DENND1A: variants seen among roughly 807,000 people sequenced by gnomAD.
DENND1A encodes the protein DENN domain containing 1A, also known as DENN domain-containing protein 1A.
DENND1A carries 51 observed loss-of-function variants against 113.7 expected under a neutral mutation model. The ratio of observed to expected loss-of-function variants is 0.45; its 90% CI spans 0.36 to 0.57. DENND1A has a LOEUF of 0.57. Ranked by LOEUF, DENND1A falls within the 20% of genes least tolerant of loss-of-function variation. The probability of loss-of-function intolerance (pLI) is 0.00; values close to 1 mark genes in which losing one functional copy is unlikely to be tolerated. For synonymous variants in DENND1A, 565 were observed against 570.8 expected (o/e 0.99, Z 0.14); for missense variants, 1,258 against 1,395.9 (o/e 0.90, Z 1.57).
chr9:123,870,270 CTTTT>C (rs113651309), intron 2 of DENND1A, among the ~76,000 whole-genome samples: 10 of 139,358 alleles, frequency 7.2e-5, no homozygotes, highest in Admixed American at 6.4e-4. Context: ...TATTAATCAG[CTTTT>C]TTTTTTTTTT....
intron 13 of DENND1A, among the ~76,000 whole-genome samples, chr9:123,512,693 G>A (rs2053558999): frequency 6.6e-6 from 1 of 152,242 alleles, no homozygotes; most frequent in Non-Finnish European, 1.5e-5. Flanking sequence ...GTGGGCATGT[G>A]CATAAGTTTG....
chr9:123,423,331 C>A (rs866844725), intron 19 of DENND1A, among the ~76,000 whole-genome samples: 3 of 152,362 alleles, frequency 2.0e-5, no homozygotes, highest in Middle Eastern at 3.4e-3. Flanking sequence ...TCTCCCTCCC[C>A]CAGCCAGCCC....
At chr9:123,713,902 C>A (rs1412568979) in intron 5 of DENND1A, among the ~76,000 whole-genome samples, 1 of 152,094 alleles carries the variant, frequency 6.6e-6, no homozygotes, top group African/African-American at 2.4e-5. Flanking sequence ...GACTCTAGAT[C>A]TGTCTGACTT....
chr9:123,793,105 T>C (rs1833249815), intron 2 of DENND1A, among the ~76,000 whole-genome samples: 1 of 152,200 alleles, frequency 6.6e-6, no homozygotes, highest in Admixed American at 6.5e-5. Context: ...AAATGAAATA[T>C]ATCCTTCTCA....
In DENND1A at chr9:123,382,021, T is replaced by TG; in HGVS notation, c.2623dup (p.Gln875ProfsTer122). ...TGTCCCTGCAGGGGGGAAGCTGAATTGGGGGGTGAATGGGGTGGCTACATT... is the reference window on the plus strand; with the variant it reads ...TGTCCCTGCAGGGGGGAAGCTGAATTGGGGGGGTGAATGGGGTGGCTACATT... On this transcript the variant is annotated frameshift_variant, in exon 24 of 24. Transcript: ENST00000394215. LOFTEE classifies it high-confidence loss of function. 1 of 868,064 alleles carries TG rather than the reference T, an allele frequency of 1.2e-6. No homozygotes were observed. Among genetic ancestry groups the TG allele is most frequent in the Non-Finnish European group, 1.4e-6 (1 of 727,660 alleles). The allele number at this position is 868,064 out of a possible 1,614,324, so 53.8% of individuals were successfully genotyped here. A position where few individuals can be genotyped will look rare whatever the true frequency, so the allele number is the denominator to read the frequency against.
Position 123,793,581 on chromosome 9 carries a change from G to A in DENND1A, c.89-951C>T, listed in dbSNP as rs545899619. Among the ~76,000 whole-genome samples the A allele has an allele frequency of 2.2e-3, 336 of 152,250 alleles. 1 individual carries two copies. The highest frequency in any genetic ancestry group is 0.02 in the South Asian group (97 of 4,824). On this transcript the variant is annotated intron_variant, in intron 2 of 23. Transcript: ENST00000394215. ...AAAATCATAGATTTGAGGGTCTCCCGTCTAACAGTGGTCACAATATATGCT... is the reference window on the plus strand; with the variant it reads ...AAAATCATAGATTTGAGGGTCTCCCATCTAACAGTGGTCACAATATATGCT...
At chr9:123,619,415 C>T (rs79966134) in intron 10 of DENND1A, among the ~76,000 whole-genome samples, 1,480 of 138,494 alleles carry the variant, frequency 0.011, 21 homozygotes, top group African/African-American at 0.035. Context: ...CATTGATTGA[C>T]TGATTGATTG....
chr9:123,442,073 T>C (rs2046970482), intron 18 of DENND1A, among the ~76,000 whole-genome samples: 2 of 152,214 alleles, frequency 1.3e-5, no homozygotes, highest in African/African-American at 4.8e-5. Context: ...GTCAAGAATA[T>C]TATTAGCTAT....
intron 9 of DENND1A, among the ~76,000 whole-genome samples, chr9:123,633,640 G>A (rs1485013751): frequency 1.3e-5 from 2 of 152,160 alleles, no homozygotes; most frequent in Non-Finnish European, 2.9e-5. Context: ...GCCAGGCATG[G>A]TGGCACATGC....
chr9:123,802,687 C>T (rs1163218822), intron 2 of DENND1A, among the ~76,000 whole-genome samples: 2 of 151,996 alleles, frequency 1.3e-5, no homozygotes, highest in African/African-American at 4.8e-5. Flanking sequence ...TATACTCTAT[C>T]CATCTTTTCA....
At position 123,673,213 on chromosome 9, in the gene DENND1A, T is replaced by C. The variant is rs112645913; in HGVS notation, c.373-1842A>G. ...CATTATTCTTTCTCTTTGCAGTAAA[T>C]AACCATTTTGTGGATTCACACTTTG... On this transcript the variant is annotated intron_variant, in intron 6 of 23. Transcript: ENST00000394215. 9.2e-5 allele frequency among the ~76,000 whole-genome samples: 14 copies of C among 152,384 alleles called. 1 individual carries two copies. Among genetic ancestry groups the C allele is most frequent in the African/African-American group, 3.4e-4 (14 of 41,596 alleles).
At chr9:123,390,754 C>T (rs1284491874) in intron 21 of DENND1A, among the ~76,000 whole-genome samples, 1 of 152,266 alleles carries the variant, frequency 6.6e-6, no homozygotes, top group Non-Finnish European at 1.5e-5. Context: ...GGGCCTCACC[C>T]TCTCCTGTGA....
intron 5 of DENND1A, among the ~76,000 whole-genome samples, chr9:123,745,569 T>G (rs1205085812): frequency 2.0e-5 from 3 of 152,214 alleles, no homozygotes; most frequent in Non-Finnish European, 2.9e-5. Flanking sequence ...ATTGCCCAAT[T>G]TGGCATTTAT....
At chr9:123,392,144 C>T (rs575256035) in intron 21 of DENND1A, among the ~76,000 whole-genome samples, 91 of 152,268 alleles carry the variant, frequency 6.0e-4, no homozygotes, top group African/African-American at 1.9e-3. Flanking sequence ...GTCAGAGACA[C>T]GGCGTCAGGA....
At chr9:123,569,236 A>T (rs577427563) in intron 12 of DENND1A, among the ~76,000 whole-genome samples, 1 of 152,244 alleles carries the variant, frequency 6.6e-6, no homozygotes, top group Non-Finnish European at 1.5e-5. Context: ...TCTGCCAGTT[A>T]ATTGAATTCG....
intron 5 of DENND1A, among the ~76,000 whole-genome samples, chr9:123,753,408 T>A (rs2070236242): frequency 6.6e-6 from 1 of 152,256 alleles, no homozygotes; most frequent in Non-Finnish European, 1.5e-5. Context: ...TAAGTTTAAA[T>A]TTTAAAATAC....
chr9:123,856,388 A>C (rs760028066), intron 2 of DENND1A, among the ~76,000 whole-genome samples: 10 of 152,138 alleles, frequency 6.6e-5, no homozygotes, highest in Non-Finnish European at 1.3e-4. Context: ...AAGGGTGCCC[A>C]CAGAGGAGAG....
At position 123,852,596 on chromosome 9, in the gene DENND1A, A is replaced by G. The variant is rs141226752; in HGVS notation, c.88+26355T>C. On this transcript the variant is annotated intron_variant, in intron 2 of 23. Coordinates refer to ENST00000394215, the MANE Select transcript of DENND1A (RefSeq NM_001352964.2). ...AAGAAAGCCAGTCTGTCATGGACTC[A>G]GGCCATCCAAAGCCACACTAATGAA... Among the ~76,000 whole-genome samples the G allele has an allele frequency of 9.2e-4, 140 of 152,358 alleles. 1 individual carries two copies. Among genetic ancestry groups the G allele is most frequent in the African/African-American group, 3.2e-3 (133 of 41,582 alleles).
At chr9:123,584,276 AC>A (rs1046039824) in intron 11 of DENND1A, among the ~76,000 whole-genome samples, 4 of 152,236 alleles carry the variant, frequency 2.6e-5, no homozygotes, top group African/African-American at 9.6e-5. Context: ...CACCAGGGCA[AC>A]AGGCACACGA....
Sources: gnomAD v4.1 joint callset for allele counts (sites outside exome capture counted in the v4.1 genomes callset) on GRCh38, gnomAD v4.1.1 for gene constraint, MANE v1.5 for transcripts, NCBI Gene and HGNC (gene_info 2026-07-23, HGNC 2026-07-21) for gene names.